RILP: variants seen among roughly 807,000 people sequenced by gnomAD.
RILP encodes the protein Rab interacting lysosomal protein.
RILP carries 53 observed loss-of-function variants against 40.0 expected under a neutral mutation model. The ratio of observed to expected loss-of-function variants is 1.32; its 90% CI spans 1.06 to 1.66. RILP has a LOEUF of 1.66. Among genes scored for constraint, RILP ranks in the 40% most tolerant of loss-of-function variants. The pLI is 0.00. For missense variants in RILP, 626 were observed against 551.7 expected (o/e 1.13, Z -1.35); for synonymous variants, 272 against 250.6 (o/e 1.09, Z -0.80).
In RILP at chr17:1,646,834, G is replaced by T; in HGVS notation, c.1028+72C>A. 8.2e-7 allele frequency: 1 copy of T among 1,213,186 alleles called. No individual in the cohort carries two copies. Among genetic ancestry groups the T allele is most frequent in the Non-Finnish European group, 1.2e-6 (1 of 868,478 alleles). 75.2% of individuals were successfully genotyped at this position (1,213,186 alleles called of 1,614,324 possible). A position where few individuals can be genotyped will look rare whatever the true frequency, so the allele number is the denominator to read the frequency against. ...TGACGGGCAGAGAAGCGGGAAAGGG[G>T]ATCCTGAGAAGGACCAGCCAGGGCC... On this transcript the variant is annotated intron_variant, in intron 7 of 7. Coordinates refer to ENST00000301336, the MANE Select transcript of RILP (RefSeq NM_031430.3). The surrounding 1 kb of genome is among the most constrained non-coding windows in gnomAD (Gnocchi z 4.3).
intron 6 of RILP, 122 bp downstream of exon 6, chr17:1,647,713 C>G: frequency 7.7e-7 from 1 of 1,294,516 alleles, no homozygotes; most frequent in Non-Finnish European, 1.1e-6. Context: ...AAGGGGTGAC[C>G]GGGTTGGGGT....
In RILP at chr17:1,648,520, A is replaced by T. The variant is rs779173262; in HGVS notation, c.676-25T>A. 2 of 1,607,014 alleles carry T rather than the reference A, an allele frequency of 1.2e-6. No individual in the cohort carries two copies. The highest frequency in any genetic ancestry group is 3.4e-5 in the Admixed American group (2 of 59,076). On this transcript the variant is annotated intron_variant, in intron 4 of 7. Coordinates refer to ENST00000301336, the MANE Select transcript of RILP (RefSeq NM_031430.3). This position sits in a 1 kb window ranked among gnomAD's most constrained non-coding sequence, Gnocchi z 4.9. ...CCTTTGGAAGGACAGGCACAGTCAG[A>T]GGGTCGCCTCGGCTGGCGTTCCCCC...
rs1403254957 is a variant in RILP, at chr17:1,647,833, A to G, written c.944+2T>C. 1 of 1,614,066 alleles carries G rather than the reference A, an allele frequency of 6.2e-7. No individual in the cohort carries two copies. The highest frequency in any genetic ancestry group is 8.5e-7 in the Non-Finnish European group (1 of 1,179,950). On this transcript the variant is annotated splice_donor_variant, in intron 6 of 7. Transcript: ENST00000301336. LOFTEE classifies it high-confidence loss of function. ...TCCGTGGGAATGCAGGCAGGGACCT[A>G]CCTGCTCTCTGCTTCCTCTGGTGTC... is the stretch of plus-strand genomic sequence containing the variant.
rs750149653 is a variant in RILP, at chr17:1,649,565, G to A, written c.228+12C>T. 5 of 1,545,876 alleles carry A rather than the reference G, an allele frequency of 3.2e-6. No homozygotes were observed. In the South Asian group the frequency reaches 3.6e-5, roughly 11 times the overall value. The stretch of plus-strand genomic sequence containing the variant: ...CGGCCCCGTGGGTGGCGAAGGGAGG[G>A]CCATGACTCACCGAGTCCGGGGCGG... On this transcript the variant is annotated intron_variant, in intron 1 of 7. Transcript: ENST00000301336. This position sits in a 1 kb window ranked among gnomAD's most constrained non-coding sequence, Gnocchi z 4.3.
Position 1,649,202 on chromosome 17 carries a change from C to A in RILP, c.427G>T (p.Ala143Ser). 6.8e-7 allele frequency: 1 copy of A among 1,476,678 alleles called. No individual in the cohort carries two copies. The highest frequency in any genetic ancestry group is 1.3e-5 in the South Asian group (1 of 78,640). The allele number at this position is 1,476,678 out of a possible 1,614,324, so 91.5% of individuals were successfully genotyped here. ...DLRQRGQETE[A>S]LQEQLQRLLL... ...CCAGAGCCCCGCCCCGCCCTCACCG[C>A]CTCGGTCTCCTGGCCGCGCTGCCGC... Residue 143 changes from alanine (A) to serine (S), a missense_variant and splice_region_variant, in exon 3 of 8, where the codon GCG becomes TCG. By Grantham distance (99) the Ala-to-Ser change is moderately conservative. Transcript: ENST00000301336. The surrounding 1 kb of genome is among the most constrained non-coding windows in gnomAD (Gnocchi z 4.3).
chr17:1,648,656 AGGCC>A lies in RILP; in HGVS notation c.675+139_675+142del. ...GTGCTCCAGCTGAGAGCGGGGGCCG[AGGCC>A]GGCCGGGGGCGCAGATCTGTCTGCC... On this transcript the variant is annotated intron_variant, in intron 4 of 7. Transcript: ENST00000301336. This position sits in a 1 kb window ranked among gnomAD's most constrained non-coding sequence, Gnocchi z 4.9. The A allele has an allele frequency of 7.1e-7, 1 of 1,402,974 alleles. No homozygotes were observed. The highest frequency in any genetic ancestry group is 9.4e-7 in the Non-Finnish European group (1 of 1,068,546). The allele number at this position is 1,402,974 out of a possible 1,614,324, so 86.9% of individuals were successfully genotyped here.
At chr17:1,647,802 C>T in intron 6 of RILP, 33 bp downstream of exon 6, 1 of 1,613,662 alleles carries the variant, frequency 6.2e-7, no homozygotes, top group Middle Eastern at 1.7e-4. Flanking sequence ...GGGAGGGAGG[C>T]CTGGCTCCGT....
At position 1,648,730 on chromosome 17, in the gene RILP, T is replaced by C; in HGVS notation, c.675+69A>G. The C allele has an allele frequency of 7.0e-7, 1 of 1,437,890 alleles. No homozygotes were observed. Among genetic ancestry groups the C allele is most frequent in the South Asian group, 1.5e-5 (1 of 68,024 alleles). The allele number at this position is 1,437,890 out of a possible 1,614,324, so 89.1% of individuals were successfully genotyped here. On this transcript the variant is annotated intron_variant, in intron 4 of 7. Transcript: ENST00000301336. The surrounding 1 kb of genome is among the most constrained non-coding windows in gnomAD (Gnocchi z 4.9). ...GACCTGCTGTGCAGCATGCAAACCTTGCTTGAGTGCCCACCGAGGGCTGGA... is the reference window on the plus strand; with the variant it reads ...GACCTGCTGTGCAGCATGCAAACCTCGCTTGAGTGCCCACCGAGGGCTGGA...
At position 1,647,393 on chromosome 17, in the gene RILP, G is replaced by T. The variant is rs1379267092; in HGVS notation, c.945-404C>A. Among the ~76,000 whole-genome samples, 3 of 152,148 alleles carry T rather than the reference G, an allele frequency of 2.0e-5. No homozygotes were observed. The East Asian group carries it at 5.8e-4, about 29-fold the overall frequency. On this transcript the variant is annotated intron_variant, in intron 6 of 7. Coordinates refer to ENST00000301336, the MANE Select transcript of RILP (RefSeq NM_031430.3). ...GACCTCAGGTGATCTACCCACCTTA[G>T]CCTCTCAAAGTGCTGGGATTACAGG...
In RILP at chr17:1,646,693, T is replaced by G. The variant is rs1910598094; in HGVS notation, c.1029-74A>C. 4.9e-6 allele frequency: 7 copies of G among 1,441,472 alleles called. No individual in the cohort carries two copies. The African/African-American group carries it at 7.3e-5, about 15-fold the overall frequency. 89.3% of individuals were successfully genotyped at this position (1,441,472 alleles called of 1,614,324 possible). A position where few individuals can be genotyped will look rare whatever the true frequency, so the allele number is the denominator to read the frequency against. On this transcript the variant is annotated intron_variant, in intron 7 of 7. Coordinates refer to ENST00000301336, the MANE Select transcript of RILP (RefSeq NM_031430.3). This position sits in a 1 kb window ranked among gnomAD's most constrained non-coding sequence, Gnocchi z 4.3. The stretch of plus-strand genomic sequence containing the variant: ...CAAGGATATGGGTGAGGGCAGGGGA[T>G]GGTGAGAAAAGGGGAGAGGGGGAAG...
chr17:1,648,195 C>T lies in RILP; in HGVS notation c.821+155G>A, dbSNP rs769479437. ...CTGCAACCCTTTGTACTGTCCCTCT[C>T]CCCTGTCTGGATGACATTGCAGGAG... On this transcript the variant is annotated intron_variant, in intron 5 of 7. Coordinates refer to ENST00000301336, the MANE Select transcript of RILP (RefSeq NM_031430.3). This position sits in a 1 kb window ranked among gnomAD's most constrained non-coding sequence, Gnocchi z 4.9. Among the ~76,000 whole-genome samples, 1 of 152,236 alleles carries T rather than the reference C, an allele frequency of 6.6e-6. No homozygotes were observed. The highest frequency in any genetic ancestry group is 2.1e-4 in the South Asian group (1 of 4,838).
Position 1,649,160 on chromosome 17 carries a change from T to C in RILP, c.429+40A>G, listed in dbSNP as rs1339155062. 51 of 979,584 alleles carry C rather than the reference T, an allele frequency of 5.2e-5. No homozygotes were observed. Among genetic ancestry groups the C allele is most frequent in the Middle Eastern group, 3.7e-4 (1 of 2,730 alleles). 60.7% of individuals were successfully genotyped at this position (979,584 alleles called of 1,614,324 possible). On this transcript the variant is annotated intron_variant, in intron 3 of 7. Transcript: ENST00000301336. The surrounding 1 kb of genome is among the most constrained non-coding windows in gnomAD (Gnocchi z 4.3). Reference sequence around the variant, plus strand: ...GAGCCCCGCCCAGCGCCTGCCACGCTCCGCCCCCGCCCCGCCCCAGAGCCC... The same window carrying C: ...GAGCCCCGCCCAGCGCCTGCCACGCCCCGCCCCCGCCCCGCCCCAGAGCCC...
Position 1,648,574 on chromosome 17 carries a change from G to T in RILP, c.676-79C>A. 6.4e-7 allele frequency: 1 copy of T among 1,554,186 alleles called. No homozygotes were observed. Among genetic ancestry groups the T allele is most frequent in the Non-Finnish European group, 8.7e-7 (1 of 1,154,158 alleles). On this transcript the variant is annotated intron_variant, in intron 4 of 7. Transcript: ENST00000301336. The surrounding 1 kb of genome is among the most constrained non-coding windows in gnomAD (Gnocchi z 4.9). ...CCAGGGCCATCATGGGAATGCTAGA[G>T]GAAGTGACGGGCCGGGAGACTTGGG...
In RILP at chr17:1,648,361, G is replaced by T. The variant is rs1910733846; in HGVS notation, c.810C>A (p.Ala270=). The change falls in exon 5 of 8, where the codon GCC becomes GCA. Residue 270 remains alanine, a synonymous_variant. Transcript: ENST00000301336. This position sits in a 1 kb window ranked among gnomAD's most constrained non-coding sequence, Gnocchi z 4.9. The part of the protein sequence containing the change: ...AKVFLLKEEL[A]YFQRELLTDH... ...CCCAGCGTCCTCACCGCTGGAAGTA[G>T]GCCAGTTCCTCCTTGAGCAGGAACA... is the stretch of plus-strand genomic sequence containing the variant. 1 of 1,613,742 alleles carries T rather than the reference G, an allele frequency of 6.2e-7. No individual in the cohort carries two copies.
In RILP at chr17:1,649,297, G is replaced by A. The variant is rs756080919; in HGVS notation, c.332C>T (p.Ala111Val). Residue 111 changes from alanine (A) to valine (V), a missense_variant, in exon 3 of 8, where the codon GCG becomes GTG. Transcript: ENST00000301336. This position sits in a 1 kb window ranked among gnomAD's most constrained non-coding sequence, Gnocchi z 4.3. ...GACCTCCTTGAGCTGCCGCAGCAGC[G>A]CGCGCTCCTCTGAGGAAGGGGCGTT... ...ELRAGPQEER[A>V]LLRQLKEVTD... is the part of the protein sequence containing the mutation. The A allele has an allele frequency of 1.0e-5, 15 of 1,502,914 alleles. No homozygotes were observed. In the Admixed American group the frequency reaches 3.1e-4, roughly 31 times the overall value. The allele number at this position is 1,502,914 out of a possible 1,614,324, so 93.1% of individuals were successfully genotyped here. A position where few individuals can be genotyped will look rare whatever the true frequency, so the allele number is the denominator to read the frequency against.
At position 1,649,073 on chromosome 17, in the gene RILP, C is replaced by A; in HGVS notation, c.430-29G>T. ...GGAGCGGAGCAAAGGGTGGGGTGGGCGGGGCACCGAGGGCCCCCCGGAGCC... is the reference window on the plus strand; with the variant it reads ...GGAGCGGAGCAAAGGGTGGGGTGGGAGGGGCACCGAGGGCCCCCCGGAGCC... On this transcript the variant is annotated intron_variant, in intron 3 of 7. Transcript: ENST00000301336. This position sits in a 1 kb window ranked among gnomAD's most constrained non-coding sequence, Gnocchi z 4.3. The A allele has an allele frequency of 1.9e-6, 1 of 521,594 alleles. No individual in the cohort carries two copies. The highest frequency in any genetic ancestry group is 6.3e-5 in the African/African-American group (1 of 15,790). The allele number at this position is 521,594 out of a possible 1,614,324, so 32.3% of individuals were successfully genotyped here.
chr17:1,648,606 G>A lies in RILP; in HGVS notation c.676-111C>T, dbSNP rs576106531. The A allele has an allele frequency of 9.2e-5, 136 of 1,479,390 alleles. 2 individuals are homozygous for A. In the South Asian group the frequency reaches 1.7e-3, roughly 18 times the overall value. The allele number at this position is 1,479,390 out of a possible 1,614,324, so 91.6% of individuals were successfully genotyped here. A position where few individuals can be genotyped will look rare whatever the true frequency, so the allele number is the denominator to read the frequency against. On this transcript the variant is annotated intron_variant, in intron 4 of 7. Transcript: ENST00000301336. The surrounding 1 kb of genome is among the most constrained non-coding windows in gnomAD (Gnocchi z 4.9). ...ACGGGCCGGGAGACTTGGGGGACAA[G>A]GGTGCCCTAACAGATAACAGAGCAG...
chr17:1,648,351 G>A lies in RILP; in HGVS notation c.820C>T (p.Arg274Trp), dbSNP rs758316688. The change falls in exon 5 of 8, where the codon CGG becomes TGG. Residue 274 changes from arginine (R) to tryptophan (W), a missense_variant and splice_region_variant. Coordinates refer to ENST00000301336, the MANE Select transcript of RILP (RefSeq NM_031430.3). The surrounding 1 kb of genome is among the most constrained non-coding windows in gnomAD (Gnocchi z 4.9). ...CCCCCGGCTTCCCAGCGTCCTCACC[G>A]CTGGAAGTAGGCCAGTTCCTCCTTG... ...LLKEELAYFQ[R>W]ELLTDHRVPG... 2.6e-5 allele frequency: 42 copies of A among 1,612,940 alleles called. No individual in the cohort carries two copies. Among genetic ancestry groups the A allele is most frequent in the Non-Finnish European group, 3.6e-5 (42 of 1,179,662 alleles).
rs1417940338 is a variant in RILP at position 1,649,420 on chromosome 17, C to A, written c.314G>T (p.Gly105Val). 2.0e-6 allele frequency: 3 copies of A among 1,506,754 alleles called. No homozygotes were observed. Among genetic ancestry groups the A allele is most frequent in the Non-Finnish European group, 2.6e-6 (3 of 1,135,278 alleles). 93.3% of individuals were successfully genotyped at this position (1,506,754 alleles called of 1,614,324 possible). A position where few individuals can be genotyped will look rare whatever the true frequency, so the allele number is the denominator to read the frequency against. The change falls in exon 2 of 8, where the codon GGG (glycine) becomes GTG (valine). Residue 105 changes from glycine (G) to valine (V), a missense_variant. Transcript: ENST00000301336. The surrounding 1 kb of genome is among the most constrained non-coding windows in gnomAD (Gnocchi z 4.3). The part of the protein sequence containing the change: ...NERLRRELRA[G>V]PQEERALLRQ... ...GCCGGGGCTGCGCTTACCCTGTGGC[C>A]CCGCGCGCAGCTCCCTGCGGAGGCG...
Sources: gnomAD v4.1 joint callset for allele counts (sites outside exome capture counted in the v4.1 genomes callset) on GRCh38, gnomAD v4.1.1 for gene constraint, Gnocchi (gnomAD v3.1) non-coding constraint, MANE v1.5 for transcripts, NCBI Gene and HGNC (gene_info 2026-07-23, HGNC 2026-07-21) for gene names.